CCDC152: variants seen among roughly 807,000 people sequenced by gnomAD.
CCDC152 encodes coiled-coil domain containing 152.
Under a neutral mutation model 38.1 loss-of-function variants are expected in CCDC152, and 37 were observed. The ratio of observed to expected loss-of-function variants is 0.97; its 90% CI spans 0.75 to 1.28. The LOEUF (loss-of-function observed/expected upper bound fraction) is 1.28, where lower values mean the gene tolerates loss of function less well. CCDC152 is among the 50% of genes most tolerant of loss of function. The pLI, the probability that CCDC152 is intolerant of heterozygous loss-of-function variation, is 0.00. For missense variants in CCDC152, 259 were observed against 292.1 expected, an observed-to-expected ratio of 0.89 and a Z score of 0.83; for synonymous variants, 83 against 87.1, an observed-to-expected ratio of 0.95 and a Z score of 0.26.
chr5:42,801,332 C>G lies in CCDC152; in HGVS notation c.*1551C>G. 6.3e-7 allele frequency: 1 copy of G among 1,591,816 alleles called. No homozygotes were observed. The highest frequency in any genetic ancestry group is 8.5e-7 in the Non-Finnish European group (1 of 1,170,728). ...TACAAAAGTCTTCATCTTTGAGAGT[C>G]TGGAACAAATTTATAAATCACTTTT... On this transcript the variant is annotated 3_prime_UTR_variant, in exon 9 of 9. Transcript: ENST00000361970.
chr5:42,777,492 G>A lies in CCDC152; in HGVS notation c.263-1966G>A, dbSNP rs1055748198. On this transcript the variant is annotated intron_variant, in intron 4 of 8. Coordinates refer to ENST00000361970, the MANE Select transcript of CCDC152 (RefSeq NM_001134848.2). ...TAAAAAAAAAAAAGAAGAAGAAGAA[G>A]ATAATAAAGGAATACTCTGAACAAC... Among the ~76,000 whole-genome samples, 374 of 150,194 alleles carry A rather than the reference G, an allele frequency of 2.5e-3. 3 individuals are homozygous for A. The highest frequency in any genetic ancestry group is 8.8e-3 in the African/African-American group (363 of 41,046).
intron 3 of CCDC152, among the ~76,000 whole-genome samples, 157 bp downstream of exon 3, chr5:42,762,705 G>T (rs769175373): frequency 6.6e-6 from 1 of 152,134 alleles, no homozygotes; most frequent in Non-Finnish European, 1.5e-5. Context: ...AGCCCTGAAA[G>T]ACATGTAAGA....
chr5:42,790,504 A>G (rs777844418), intron 6 of CCDC152, among the ~76,000 whole-genome samples: 4 of 152,210 alleles, frequency 2.6e-5, no homozygotes, highest in Non-Finnish European at 4.4e-5. Context: ...TAAAAATGCA[A>G]TGAGTTAATT....
chr5:42,796,014 C>A (rs931025369), intron 6 of CCDC152, among the ~76,000 whole-genome samples: 35 of 151,148 alleles, frequency 2.3e-4, no homozygotes, highest in Admixed American at 1.7e-3. Flanking sequence ...ACCACATGTT[C>A]TCACTCATAG....
chr5:42,779,575 T>C (rs989267951), intron 5 of CCDC152, 53 bp downstream of exon 5: 2 of 992,126 alleles, frequency 2.0e-6, no homozygotes, highest in East Asian at 2.8e-5. Flanking sequence ...ATTTATCTTT[T>C]CAAATTAGGA....
intron 6 of CCDC152, among the ~76,000 whole-genome samples, chr5:42,787,656 ATATAGTAGT>A (rs1429338790): frequency 7.2e-6 from 1 of 139,532 alleles, no homozygotes; most frequent in African/African-American, 2.5e-5. Context: ...TTAGGTAATT[ATATAGTAGT>A]TAGGTAATTG....
chr5:42,770,410 T>C (rs570617518), intron 4 of CCDC152, among the ~76,000 whole-genome samples: 1 of 152,290 alleles, frequency 6.6e-6, no homozygotes, highest in East Asian at 1.9e-4. Context: ...CCTATTTCAA[T>C]GCCAGGGCTC....
intron 6 of CCDC152, among the ~76,000 whole-genome samples, chr5:42,784,135 A>T (rs1759886816): frequency 6.6e-6 from 1 of 152,150 alleles, no homozygotes; most frequent in African/African-American, 2.4e-5. Context: ...GTTGAATAGT[A>T]ATTTTATTTT....
At chr5:42,762,756 A>G (rs973083328) in intron 3 of CCDC152, among the ~76,000 whole-genome samples, 2 of 152,204 alleles carry the variant, frequency 1.3e-5, no homozygotes, top group Non-Finnish European at 2.9e-5. Context: ...GAAACATAGA[A>G]TGAGACAAGT....
chr5:42,789,226 G>A (rs1420189211), intron 6 of CCDC152, among the ~76,000 whole-genome samples: 9 of 152,218 alleles, frequency 5.9e-5, no homozygotes, highest in Admixed American at 5.9e-4. Context: ...TTCCTTTGGT[G>A]TTGATCTCTG....
At chr5:42,791,155 A>G (rs1561279166) in intron 6 of CCDC152, among the ~76,000 whole-genome samples, 1 of 152,328 alleles carries the variant, frequency 6.6e-6, no homozygotes, top group East Asian at 1.9e-4. Context: ...TGAGGCATGT[A>G]CCCTAAGCCT....
In CCDC152 at chr5:42,759,209, G is replaced by A. The variant is rs752714423; in HGVS notation, c.87+1G>A. The A allele has an allele frequency of 1.3e-6, 2 of 1,537,296 alleles. No individual in the cohort carries two copies. Among genetic ancestry groups the A allele is most frequent in the South Asian group, 2.4e-5 (2 of 83,284 alleles). On this transcript the variant is annotated splice_donor_variant, in intron 2 of 8. Coordinates refer to ENST00000361970, the MANE Select transcript of CCDC152 (RefSeq NM_001134848.2). LOFTEE classifies it high-confidence loss of function. ...AAATGACTTCTCACAGATAGAAAAG[G>A]TATGTAAAGATAGAAAACAATTCTA...
chr5:42,800,784 G>A lies in CCDC152; in HGVS notation c.*1003G>A. ...TCAGCGTCAACTGGCACTGGCTTCTGTGGGTATAAGCTGCTGACTTATTTG... is the reference window on the plus strand; with the variant it reads ...TCAGCGTCAACTGGCACTGGCTTCTATGGGTATAAGCTGCTGACTTATTTG... On this transcript the variant is annotated 3_prime_UTR_variant, in exon 9 of 9. Transcript: ENST00000361970. 19 of 1,613,868 alleles carry A rather than the reference G, an allele frequency of 1.2e-5. No homozygotes were observed. Among genetic ancestry groups the A allele is most frequent in the Non-Finnish European group, 1.6e-5 (19 of 1,179,802 alleles).
In CCDC152 at chr5:42,759,157, T is replaced by A. The variant is rs147430130; in HGVS notation, c.36T>A (p.Ile12=). 7.7e-6 allele frequency: 12 copies of A among 1,551,262 alleles called. No homozygotes were observed. Among genetic ancestry groups the A allele is most frequent in the Non-Finnish European group, 1.0e-5 (12 of 1,146,554 alleles). Reference sequence around the variant, plus strand: ...GCAGTGAAGGATGTATGAAAAAGATTAGCAGTGTGAATCTTGACAAACTTA... The same window carrying A: ...GCAGTGAAGGATGTATGAAAAAGATAAGCAGTGTGAATCTTGACAAACTTA... ...DQSSEGCMKK[I]SSVNLDKLIN... The change falls in exon 2 of 9, where the codon ATT becomes ATA. Residue 12 remains isoleucine, a synonymous_variant. Transcript: ENST00000361970.
At chr5:42,790,569 T>G (rs1431885722) in intron 6 of CCDC152, among the ~76,000 whole-genome samples, 1 of 152,110 alleles carries the variant, frequency 6.6e-6, no homozygotes, top group South Asian at 2.1e-4. Flanking sequence ...AGAAGTTTAT[T>G]GGGGAAAACA....
intron 6 of CCDC152, among the ~76,000 whole-genome samples, chr5:42,784,393 C>T (rs1439812227): frequency 6.6e-6 from 1 of 152,106 alleles, no homozygotes; most frequent in Non-Finnish European, 1.5e-5. Flanking sequence ...TGCTTGTCAG[C>T]TGTGTGTATG....
chr5:42,784,073 A>T (rs946137889), intron 6 of CCDC152, among the ~76,000 whole-genome samples: 1 of 152,132 alleles, frequency 6.6e-6, no homozygotes, highest in Non-Finnish European at 1.5e-5. Context: ...TGTCTTTTTG[A>T]TAAAAACAAT....
intron 4 of CCDC152, among the ~76,000 whole-genome samples, chr5:42,776,950 G>A (rs746132100): frequency 5.1e-4 from 78 of 151,954 alleles, no homozygotes; most frequent in Non-Finnish European, 2.5e-4. Context: ...ATGTGCATAT[G>A]AGAAGACAAC....
rs230816 is a variant in CCDC152, at chr5:42,801,847, A to G, written c.*2066A>G. 0.55 allele frequency: 84,787 copies of G among 153,074 alleles called. 23,679 individuals carry two copies. Among genetic ancestry groups the G allele is most frequent in the Admixed American group, 0.6 (9,178 of 15,302 alleles). The allele number at this position is 153,074 out of a possible 1,614,324, so 9.5% of individuals were successfully genotyped here. ...TGGGAGGATCGTTTGAGCCTGCAAG[A>G]TGGAGGTTGCAGTGAGCTCAGATGG... On this transcript the variant is annotated 3_prime_UTR_variant, in exon 9 of 9. Coordinates refer to ENST00000361970, the MANE Select transcript of CCDC152 (RefSeq NM_001134848.2).
Sources: allele counts gnomAD v4.1 joint callset (sites outside exome capture counted in the v4.1 genomes callset), GRCh38; gene constraint gnomAD v4.1.1; transcripts MANE v1.5; gene names NCBI Gene and HGNC (gene_info 2026-07-23, HGNC 2026-07-21).